Variants in NAALADL2 observed in about 807,000 individuals in gnomAD.
The protein encoded by NAALADL2 is inactive N-acetylated-alpha-linked acidic dipeptidase-like protein 2.
A neutral mutation model predicts 87.2 loss-of-function variants in NAALADL2; 76 were observed. The observed-to-expected ratio is 0.87, with a 90% CI of 0.72 to 1.05. The LOEUF is 1.05. Among genes scored for constraint, NAALADL2 ranks in the 50% least tolerant of loss-of-function variants. The pLI, the probability that NAALADL2 is intolerant of heterozygous loss-of-function variation, is 0.00. For missense variants in NAALADL2, 1,089 were observed against 945.8 expected (o/e 1.15, Z -1.99); for synonymous variants, 354 against 331.0 (o/e 1.07, Z -0.75).
Position 175,234,078 on chromosome 3 carries a change from G to A in NAALADL2, c.693G>A (p.Val231=). Residue 231 remains valine, a synonymous_variant, in exon 3 of 14, where the codon GTG becomes GTA. Coordinates refer to ENST00000454872, the MANE Select transcript of NAALADL2 (RefSeq NM_207015.3). ...LDLPGPSPST[V]TLSSSGQCFH... ...TGCCAGGCCCTTCTCCCAGCACTGT[G>A]ACTCTGAGCAGCAGTGGTCAATGCT... 4 of 1,613,900 alleles carry A rather than the reference G, an allele frequency of 2.5e-6. No homozygotes were observed. Among genetic ancestry groups the A allele is most frequent in the Non-Finnish European group, 3.4e-6 (4 of 1,179,832 alleles).
intron 9 of NAALADL2, among the ~76,000 whole-genome samples, chr3:175,517,378 T>C (rs1282456621): frequency 6.6e-6 from 1 of 152,174 alleles, no homozygotes; most frequent in Non-Finnish European, 1.5e-5. Context: ...AAATAAAGAT[T>C]CAAAATATTT....
At chr3:174,887,821 C>CT (rs537247141) in intron 1 of NAALADL2, among the ~76,000 whole-genome samples, 21,780 of 142,376 alleles carry the variant, frequency 0.15, 2,217 homozygotes, top group African/African-American at 0.3. Flanking sequence ...GCTTGAGCAT[C>CT]TTTTTTTTTT....
intron 5 of NAALADL2, among the ~76,000 whole-genome samples, chr3:175,417,630 T>C (rs1221623176): frequency 1.3e-5 from 2 of 152,056 alleles, no homozygotes; most frequent in Non-Finnish European, 2.9e-5. Flanking sequence ...GCACTGTAGT[T>C]TAAAAATTCT....
intron 3 of NAALADL2, among the ~76,000 whole-genome samples, chr3:174,748,548 C>A (rs1578773490): frequency 6.6e-6 from 1 of 152,086 alleles, no homozygotes; most frequent in East Asian, 1.9e-4. Context: ...TAAGCCACTA[C>A]ATTTGTGGTG....
At chr3:175,593,298 TA>T (rs1473716268) in intron 10 of NAALADL2, among the ~76,000 whole-genome samples, 1 of 152,216 alleles carries the variant, frequency 6.6e-6, no homozygotes, top group Non-Finnish European at 1.5e-5. Flanking sequence ...ACCATTGTGA[TA>T]ACGTCTAAGC....
In NAALADL2 at chr3:175,194,738, A is replaced by G. The variant is rs533349674; in HGVS notation, c.546-39193A>G. ...TGTGTATTCACAATATCATTCTTGT[A>G]TTAATATATACATTTAAGAATCTTG... On this transcript the variant is annotated intron_variant, in intron 2 of 13. Transcript: ENST00000454872. 5.3e-5 allele frequency among the ~76,000 whole-genome samples: 8 copies of G among 151,870 alleles called. No individual in the cohort carries two copies. The East Asian group carries it at 1.2e-3, about 22-fold the overall frequency.
chr3:175,354,572 G>T (rs1057061103), intron 5 of NAALADL2, among the ~76,000 whole-genome samples: 7 of 151,802 alleles, frequency 4.6e-5, no homozygotes, highest in Non-Finnish European at 8.8e-5. Flanking sequence ...TCTATAAAAA[G>T]GTGAGTTTTT....
At chr3:174,655,314 G>T (rs1186194656) in intron 2 of NAALADL2, among the ~76,000 whole-genome samples, 3 of 150,680 alleles carry the variant, frequency 2.0e-5, no homozygotes, top group African/African-American at 7.3e-5. Flanking sequence ...ACCTCAATAT[G>T]TATCCTCTCA....
At chr3:175,318,045 A>C (rs536166711) in intron 4 of NAALADL2, among the ~76,000 whole-genome samples, 2 of 152,282 alleles carry the variant, frequency 1.3e-5, no homozygotes, top group South Asian at 4.1e-4. Context: ...AAATTATTTT[A>C]ATTAACAAAT....
At chr3:174,762,953 C>T (rs902258502) in intron 3 of NAALADL2, among the ~76,000 whole-genome samples, 22 of 151,944 alleles carry the variant, frequency 1.4e-4, no homozygotes, top group Admixed American at 1.4e-3. Flanking sequence ...GTATCATTGA[C>T]AATGTAATAT....
At chr3:174,521,402 C>G (rs768250175) in intron 1 of NAALADL2, among the ~76,000 whole-genome samples, 1 of 151,548 alleles carries the variant, frequency 6.6e-6, no homozygotes, top group Non-Finnish European at 1.5e-5. Flanking sequence ...TCCGTCTATA[C>G]CAAAAATACA....
At chr3:175,038,838 C>T (rs527743835) in intron 1 of NAALADL2, among the ~76,000 whole-genome samples, 66 of 151,838 alleles carry the variant, frequency 4.3e-4, no homozygotes, top group African/African-American at 1.2e-3. Context: ...ATCGTGCAAA[C>T]GTAAACAGTT....
chr3:175,314,702 A>ATAGTTCTAAC (rs1758903003), intron 4 of NAALADL2, among the ~76,000 whole-genome samples: 4 of 93,866 alleles, frequency 4.3e-5, no homozygotes, highest in South Asian at 3.4e-4. Context: ...ATATATATAT[A>ATAGTTCTAAC]TATATATATA....
intron 2 of NAALADL2, among the ~76,000 whole-genome samples, chr3:175,157,321 T>A (rs1439765717): frequency 6.6e-6 from 1 of 152,082 alleles, no homozygotes. Context: ...AAATATGAGT[T>A]CAAATCTTGC....
At chr3:175,032,098 G>A (rs1752864453) in intron 1 of NAALADL2, among the ~76,000 whole-genome samples, 1 of 151,856 alleles carries the variant, frequency 6.6e-6, no homozygotes, top group East Asian at 1.9e-4. Context: ...CTTTTGGTGT[G>A]CAGAAGCTCT....
At position 175,805,412 on chromosome 3, in the gene NAALADL2, G is replaced by A. The variant is rs1467246258; in HGVS notation, c.*2209G>A. 2 of 151,748 alleles carry A rather than the reference G, an allele frequency of 1.3e-5. No individual in the cohort carries two copies. Among genetic ancestry groups the A allele is most frequent in the Non-Finnish European group, 2.9e-5 (2 of 67,844 alleles). 9.4% of individuals were successfully genotyped at this position (151,748 alleles called of 1,614,324 possible). A position where few individuals can be genotyped will look rare whatever the true frequency, so the allele number is the denominator to read the frequency against. On this transcript the variant is annotated 3_prime_UTR_variant, in exon 14 of 14. Coordinates refer to ENST00000454872, the MANE Select transcript of NAALADL2 (RefSeq NM_207015.3). ...TATTTGAAAACTGTAGTTAACTATG[G>A]TTTTTTATTAGTCTATTAAAAGATA...
chr3:175,434,639 C>T (rs572976537), intron 5 of NAALADL2, among the ~76,000 whole-genome samples: 9 of 152,072 alleles, frequency 5.9e-5, no homozygotes, highest in South Asian at 2.1e-4. Flanking sequence ...ACTTTTATAA[C>T]AACAACAAGA....
intron 7 of NAALADL2, among the ~76,000 whole-genome samples, chr3:175,465,676 T>G (rs1367319668): frequency 6.6e-6 from 1 of 152,052 alleles, no homozygotes; most frequent in East Asian, 1.9e-4. Flanking sequence ...TTTCACCATC[T>G]TGGCCAGGCT....
At chr3:174,450,516 T>A (rs1169447882) in intron 1 of NAALADL2, among the ~76,000 whole-genome samples, 1 of 152,166 alleles carries the variant, frequency 6.6e-6, no homozygotes, top group Non-Finnish European at 1.5e-5. Flanking sequence ...GAAGGCTTGA[T>A]GGTTGGTTTC....
Sources: allele counts gnomAD v4.1 joint callset (sites outside exome capture counted in the v4.1 genomes callset), GRCh38; gene constraint gnomAD v4.1.1; transcripts MANE v1.5; gene names NCBI Gene and HGNC (gene_info 2026-07-23, HGNC 2026-07-21).